TRAK1: variants seen among roughly 807,000 people sequenced by gnomAD.
TRAK1 encodes trafficking kinesin-binding protein 1.
In TRAK1, 33 loss-of-function variants were observed where a neutral mutation model predicts 92.1. That is an observed-to-expected ratio of 0.36 (90% confidence interval 0.27 to 0.48). TRAK1 has a LOEUF of 0.48. Among genes scored for constraint, TRAK1 ranks in the 20% least tolerant of loss-of-function variants. TRAK1 has a pLI of 0.99. For synonymous variants in TRAK1, 521 were observed against 517.3 expected (o/e 1.01, Z -0.10); for missense variants, 1,123 against 1,257.9 (o/e 0.89, Z 1.62).
At chr3:42,029,835 C>T (rs1025391157) in intron 1 of TRAK1, among the ~76,000 whole-genome samples, 7 of 152,182 alleles carry the variant, frequency 4.6e-5, no homozygotes, top group African/African-American at 1.7e-4. Context: ...AGGTGTACGC[C>T]ACTGCGACTG....
intron 1 of TRAK1, among the ~76,000 whole-genome samples, chr3:42,116,568 C>G (rs1709190399): frequency 6.6e-6 from 1 of 152,182 alleles, no homozygotes. Context: ...GGAATTGTTT[C>G]CAAGTCTGTA....
At chr3:42,149,999 G>C (rs1447290427) in intron 2 of TRAK1, among the ~76,000 whole-genome samples, 1 of 152,170 alleles carries the variant, frequency 6.6e-6, no homozygotes, top group East Asian at 1.9e-4. Flanking sequence ...GCTTGGAATA[G>C]TGTGTTCAGG....
At chr3:42,158,745 C>T (rs1241906244) in intron 2 of TRAK1, among the ~76,000 whole-genome samples, 1 of 142,942 alleles carries the variant, frequency 7.0e-6, no homozygotes, top group Non-Finnish European at 1.5e-5. Flanking sequence ...AGATTGAGAC[C>T]ATCCTGGTGA....
chr3:42,212,744 G>C (rs555036720), intron 14 of TRAK1: 87 of 248,324 alleles, frequency 3.5e-4, no homozygotes, highest in Non-Finnish European at 5.1e-4. Flanking sequence ...TTAGGCATTT[G>C]TGTGGGGAAG....
At chr3:42,069,153 C>T (rs948927792) in intron 1 of TRAK1, among the ~76,000 whole-genome samples, 4 of 151,856 alleles carry the variant, frequency 2.6e-5, no homozygotes, top group African/African-American at 9.7e-5. Flanking sequence ...TAGTGAGACC[C>T]TGACTGTGTA....
chr3:42,032,882 A>G (rs1465889784), intron 1 of TRAK1, among the ~76,000 whole-genome samples: 1 of 152,136 alleles, frequency 6.6e-6, no homozygotes, highest in Non-Finnish European at 1.5e-5. Flanking sequence ...TGATTGCGCC[A>G]CCTGCACTCC....
At chr3:42,060,341 TG>T (rs1703377705) in intron 1 of TRAK1, among the ~76,000 whole-genome samples, 1 of 11,764 alleles carries the variant, frequency 8.5e-5, no homozygotes, top group African/African-American at 3.4e-4. Flanking sequence ...CGGTGGGGGG[TG>T]GGGGGTGGTG....
At chr3:42,214,429 C>A (rs946107039) in intron 14 of TRAK1, among the ~76,000 whole-genome samples, 5 of 152,196 alleles carry the variant, frequency 3.3e-5, no homozygotes, top group African/African-American at 1.2e-4. Context: ...GGTATAGGGA[C>A]CAGCTTTGTT....
intron 1 of TRAK1, among the ~76,000 whole-genome samples, chr3:42,064,410 A>T (rs577214008): frequency 1.5e-3 from 222 of 152,184 alleles, no homozygotes; most frequent in African/African-American, 5.2e-3. Context: ...TTACAGTCTG[A>T]TGTCAATGTT....
rs867889316 is a variant in TRAK1 at position 42,160,550 on chromosome 3, A to G, written c.287-16264A>G. On this transcript the variant is annotated intron_variant, in intron 2 of 15. Coordinates refer to ENST00000327628, the MANE Select transcript of TRAK1 (RefSeq NM_001042646.3). ...TAGGCTTGAATGTTTTGCTGATTTC[A>G]TAGCACTGTTTTGTTTTTGTTTTTT... 73 of 1,415,298 alleles carry G rather than the reference A, an allele frequency of 5.2e-5. 1 individual carries two copies. The Middle Eastern group carries it at 1.7e-3, about 32-fold the overall frequency. The allele number at this position is 1,415,298 out of a possible 1,614,324, so 87.7% of individuals were successfully genotyped here.
intron 4 of TRAK1, among the ~76,000 whole-genome samples, chr3:42,187,550 C>T (rs1705070133): frequency 6.6e-6 from 1 of 152,012 alleles, no homozygotes; most frequent in Non-Finnish European, 1.5e-5. Context: ...TCACTACAAC[C>T]CCTGCCTCCC....
At chr3:42,158,837 T>C (rs949601775) in intron 2 of TRAK1, among the ~76,000 whole-genome samples, 70 of 148,810 alleles carry the variant, frequency 4.7e-4, no homozygotes, top group African/African-American at 1.7e-3. Flanking sequence ...CAGGTACCTG[T>C]AGTCCCAGCT....
intron 1 of TRAK1, among the ~76,000 whole-genome samples, chr3:42,046,458 G>A (rs1702756524): frequency 1.3e-5 from 2 of 152,118 alleles, no homozygotes; most frequent in Non-Finnish European, 2.9e-5. Flanking sequence ...GCAGGGTAGA[G>A]TTAGAGGAAT....
chr3:42,148,623 C>T (rs546115273), intron 2 of TRAK1, among the ~76,000 whole-genome samples: 1 of 152,256 alleles, frequency 6.6e-6, no homozygotes, highest in Non-Finnish European at 1.5e-5. Context: ...TACACATGTA[C>T]GTGTCCATGA....
At chr3:42,033,979 C>T (rs998701133) in intron 1 of TRAK1, among the ~76,000 whole-genome samples, 1 of 152,176 alleles carries the variant, frequency 6.6e-6, no homozygotes, top group Non-Finnish European at 1.5e-5. Flanking sequence ...CTCCACCCTG[C>T]TTCACCCACT....
At chr3:42,099,885 G>T (rs1194523170) in intron 1 of TRAK1, among the ~76,000 whole-genome samples, 1 of 152,114 alleles carries the variant, frequency 6.6e-6, no homozygotes, top group Non-Finnish European at 1.5e-5. Context: ...AGTTTTCTGT[G>T]CCCAGTGTCT....
At chr3:42,127,476 C>T (rs1710736013) in intron 2 of TRAK1, among the ~76,000 whole-genome samples, 2 of 151,878 alleles carry the variant, frequency 1.3e-5, no homozygotes, top group South Asian at 4.2e-4. Context: ...CCTTAGCTTC[C>T]TGAGTAGCTA....
intron 1 of TRAK1, among the ~76,000 whole-genome samples, chr3:42,023,157 CAAAAA>C (rs371646962): frequency 8.9e-6 from 1 of 111,768 alleles, no homozygotes; most frequent in Non-Finnish European, 1.7e-5. Flanking sequence ...GACTGCATCT[CAAAAA>C]AAAAAAAAAA....
chr3:42,063,002 A>G (rs1473781443), intron 1 of TRAK1, among the ~76,000 whole-genome samples: 1 of 152,220 alleles, frequency 6.6e-6, no homozygotes, highest in Non-Finnish European at 1.5e-5. Flanking sequence ...CAGAAATTTT[A>G]AGAAACTCAA....
Sources: gnomAD v4.1 joint callset for allele counts (sites outside exome capture counted in the v4.1 genomes callset) on GRCh38, gnomAD v4.1.1 for gene constraint, MANE v1.5 for transcripts, NCBI Gene and HGNC (gene_info 2026-07-23, HGNC 2026-07-21) for gene names.